The following TCERG1L variants were observed in gnomAD, a reference collection of about 807,000 sequenced individuals.
TCERG1L encodes the protein transcription elongation regulator 1-like protein.
Under a neutral mutation model 56.3 loss-of-function variants are expected in TCERG1L, and 37 were observed. The observed-to-expected ratio is 0.66, with a 90% CI of 0.51 to 0.87. The LOEUF is 0.87. Among genes scored for constraint, TCERG1L ranks in the 40% least tolerant of loss-of-function variants. The pLI is 0.00. For synonymous variants in TCERG1L, 324 were observed against 326.3 expected, an observed-to-expected ratio of 0.99 and a Z score of 0.08; for missense variants, 799 against 774.2, an observed-to-expected ratio of 1.03 and a Z score of -0.38.
chr10:131,310,123 T>A (rs1846868783), intron 1 of TCERG1L, among the ~76,000 whole-genome samples: 1 of 152,190 alleles, frequency 6.6e-6, no homozygotes, highest in Non-Finnish European at 1.5e-5. Flanking sequence ...AGCACAAAAA[T>A]ATTTAAAAGA....
At position 131,260,474 on chromosome 10, in the gene TCERG1L, A is replaced by T; in HGVS notation, c.671-30T>A. ...GGAAGAGGGATGCAGAGGGTCAGCA[A>T]GGGGACGACCAGGGCCATGGGTGAC... On this transcript the variant is annotated intron_variant, in intron 3 of 11. Transcript: ENST00000368642. This position sits in a 1 kb window ranked among gnomAD's most constrained non-coding sequence, Gnocchi z 5.8. 7.3e-7 allele frequency: 1 copy of T among 1,372,570 alleles called. No individual in the cohort carries two copies. The highest frequency in any genetic ancestry group is 9.4e-7 in the Non-Finnish European group (1 of 1,059,394). 85.0% of individuals were successfully genotyped at this position (1,372,570 alleles called of 1,614,324 possible). A position where few individuals can be genotyped will look rare whatever the true frequency, so the allele number is the denominator to read the frequency against.
intron 6 of TCERG1L, chr10:131,156,399 T>A (rs1426099076): frequency 1.3e-5 from 2 of 151,840 alleles, no homozygotes; most frequent in East Asian, 3.9e-4. Flanking sequence ...GAAAATGAAG[T>A]CACAACTAAG....
chr10:131,241,170 C>T (rs547786776), intron 4 of TCERG1L, among the ~76,000 whole-genome samples: 9 of 149,018 alleles, frequency 6.0e-5, no homozygotes, highest in South Asian at 2.2e-4. Flanking sequence ...AGGAGCCGCC[C>T]GCACGCAGAA....
intron 4 of TCERG1L, among the ~76,000 whole-genome samples, chr10:131,195,494 T>A (rs765642113): frequency 2.0e-5 from 3 of 152,162 alleles, no homozygotes; most frequent in Non-Finnish European, 4.4e-5. Flanking sequence ...GGCCAGCTTA[T>A]CTCCAGGGAA....
chr10:131,180,296 G>A (rs562424453), intron 4 of TCERG1L, among the ~76,000 whole-genome samples: 5 of 152,364 alleles, frequency 3.3e-5, no homozygotes, highest in East Asian at 1.9e-4. Context: ...GACAGGCAAC[G>A]CAGGAGCGAG....
chr10:131,141,184 A>G (rs1421983500), intron 7 of TCERG1L, among the ~76,000 whole-genome samples: 1 of 152,124 alleles, frequency 6.6e-6, no homozygotes, highest in Non-Finnish European at 1.5e-5. Flanking sequence ...CTCCGTGGCC[A>G]CTTGGAAATG....
At chr10:131,304,180 C>T (rs1357114644) in intron 3 of TCERG1L, among the ~76,000 whole-genome samples, 1 of 152,044 alleles carries the variant, frequency 6.6e-6, no homozygotes, top group Admixed American at 6.5e-5. Flanking sequence ...ACAACTTTTA[C>T]ATAAATCTCT....
chr10:131,240,397 T>C (rs1564823319), intron 4 of TCERG1L, among the ~76,000 whole-genome samples: 1 of 152,166 alleles, frequency 6.6e-6, no homozygotes, highest in Non-Finnish European at 1.5e-5. Flanking sequence ...AGCTGATTTA[T>C]TTTATGATCT....
intron 4 of TCERG1L, among the ~76,000 whole-genome samples, chr10:131,206,716 G>A (rs1845532540): frequency 6.6e-6 from 1 of 152,222 alleles, no homozygotes; most frequent in Non-Finnish European, 1.5e-5. Flanking sequence ...GCTGAGCTCA[G>A]CCAGGGTGAA....
intron 4 of TCERG1L, among the ~76,000 whole-genome samples, chr10:131,217,963 A>T (rs1200380028): frequency 1.3e-5 from 2 of 151,972 alleles, no homozygotes; most frequent in East Asian, 3.9e-4. Flanking sequence ...TGACCTCGTG[A>T]TCTGCCCGTC....
At chr10:131,235,126 T>C (rs1302205899) in intron 4 of TCERG1L, among the ~76,000 whole-genome samples, 3 of 151,866 alleles carry the variant, frequency 2.0e-5, no homozygotes, top group Admixed American at 6.6e-5. Context: ...TGCAGGAGGG[T>C]CACTCAGATG....
intron 4 of TCERG1L, among the ~76,000 whole-genome samples, chr10:131,244,198 G>A (rs1266388467): frequency 1.3e-5 from 2 of 152,066 alleles, no homozygotes; most frequent in Non-Finnish European, 2.9e-5. Flanking sequence ...GGGGTCCTGG[G>A]GCAGGAGGCC....
rs200303723 is a variant in TCERG1L, at chr10:131,267,194, C to G, written c.671-6750G>C. 6.6e-6 allele frequency among the ~76,000 whole-genome samples: 1 copy of G among 152,164 alleles called. No homozygotes were observed. Among genetic ancestry groups the G allele is most frequent in the African/African-American group, 2.4e-5 (1 of 41,450 alleles). On this transcript the variant is annotated intron_variant, in intron 3 of 11. Transcript: ENST00000368642. The surrounding 1 kb of genome is among the most constrained non-coding windows in gnomAD (Gnocchi z 4.9). ...CAGCCCCGTCTCAGCCTCCCACCTG[C>G]GCTCATTGGTGCCCAAAGTCCAGAG...
chr10:131,197,406 C>T (rs79783398), intron 4 of TCERG1L, among the ~76,000 whole-genome samples: 3 of 152,144 alleles, frequency 2.0e-5, no homozygotes, highest in South Asian at 2.1e-4. Flanking sequence ...AGGATGGTCT[C>T]GATATCCTGA....
chr10:131,113,801 T>C (rs1288302068), intron 9 of TCERG1L, among the ~76,000 whole-genome samples: 1 of 142,044 alleles, frequency 7.0e-6, no homozygotes, highest in African/African-American at 2.5e-5. Flanking sequence ...CTTTCTCTCC[T>C]GGCCCCTGGG....
At chr10:131,152,824 G>A (rs925943644) in intron 6 of TCERG1L, among the ~76,000 whole-genome samples, 2 of 152,140 alleles carry the variant, frequency 1.3e-5, no homozygotes, top group African/African-American at 4.8e-5. Context: ...ATGGCAGAAG[G>A]CACCTCTTCA....
chr10:131,120,382 G>A (rs183790533), intron 8 of TCERG1L, among the ~76,000 whole-genome samples: 1 of 152,280 alleles, frequency 6.6e-6, no homozygotes, highest in Admixed American at 6.5e-5. Context: ...TCTGAGGCTG[G>A]GGAACTCAGG....
At chr10:131,204,964 G>T in intron 4 of TCERG1L, among the ~76,000 whole-genome samples, 1 of 152,258 alleles carries the variant, frequency 6.6e-6, no homozygotes, top group Middle Eastern at 3.4e-3. Context: ...CTCTGCAGCT[G>T]GATCTGGTCT....
At chr10:131,146,740 A>C in intron 6 of TCERG1L, 80 bp from the exon 7 acceptor site, 1 of 1,458,308 alleles carries the variant, frequency 6.9e-7, no homozygotes. Flanking sequence ...TCTCACTGAA[A>C]AAGCCCCTCA....
Sources: gnomAD v4.1 joint callset for allele counts (sites outside exome capture counted in the v4.1 genomes callset) on GRCh38, gnomAD v4.1.1 for gene constraint, Gnocchi (gnomAD v3.1) non-coding constraint, MANE v1.5 for transcripts, NCBI Gene and HGNC (gene_info 2026-07-23, HGNC 2026-07-21) for gene names.